Variants in CYB5R4 observed in about 807,000 individuals in gnomAD.
The protein encoded by CYB5R4 is cytochrome b5 reductase 4, also known as N-terminal cytochrome b5 and cytochrome b5 oxidoreductase domain-containing protein.
Under a neutral mutation model 70.2 loss-of-function variants are expected in CYB5R4, and 55 were observed. That is an observed-to-expected ratio of 0.78 (90% CI 0.63 to 0.98). CYB5R4 has a LOEUF of 0.98. Among genes scored for constraint, CYB5R4 ranks in the 50% least tolerant of loss-of-function variants. The pLI is 0.00. For synonymous variants in CYB5R4, 197 were observed against 199.5 expected, an observed-to-expected ratio of 0.99 and a Z score of 0.11; for missense variants, 562 against 612.6, an observed-to-expected ratio of 0.92 and a Z score of 0.87.
chr6:83,903,564 C>T (rs910271241), intron 3 of CYB5R4, among the ~76,000 whole-genome samples: 3 of 151,878 alleles, frequency 2.0e-5, no homozygotes, highest in Non-Finnish European at 4.4e-5. Context: ...GGGGCGAATT[C>T]CCTTCTCTTC....
chr6:83,886,949 G>C (rs1350676379), intron 2 of CYB5R4, among the ~76,000 whole-genome samples: 1 of 151,900 alleles, frequency 6.6e-6, no homozygotes, highest in South Asian at 2.1e-4. Context: ...TTTTGTTGTG[G>C]GTTTTTAAGT....
At chr6:83,880,061 C>T (rs1327154666) in intron 2 of CYB5R4, among the ~76,000 whole-genome samples, 1 of 152,130 alleles carries the variant, frequency 6.6e-6, no homozygotes, top group African/African-American at 2.4e-5. Flanking sequence ...AGGGTGAGAG[C>T]AGTGTTTTCT....
intron 3 of CYB5R4, among the ~76,000 whole-genome samples, chr6:83,908,088 C>A (rs1005205701): frequency 1.4e-5 from 2 of 144,138 alleles, no homozygotes; most frequent in African/African-American, 5.7e-5. Flanking sequence ...AATTTACAGT[C>A]TCACCAACAG....
At chr6:83,930,688 A>G (rs1390843074) in intron 10 of CYB5R4, among the ~76,000 whole-genome samples, 2 of 151,792 alleles carry the variant, frequency 1.3e-5, no homozygotes, top group Non-Finnish European at 2.9e-5. Flanking sequence ...TAATGTTGCT[A>G]TTTTGACTGC....
chr6:83,879,808 T>C (rs1562828865), intron 2 of CYB5R4, among the ~76,000 whole-genome samples: 1 of 152,212 alleles, frequency 6.6e-6, no homozygotes, highest in Non-Finnish European at 1.5e-5. Context: ...TCTGAGGTTC[T>C]CAGGGATTCC....
chr6:83,861,139 T>C (rs1213577080), intron 1 of CYB5R4, among the ~76,000 whole-genome samples: 1 of 152,236 alleles, frequency 6.6e-6, no homozygotes, highest in Non-Finnish European at 1.5e-5. Flanking sequence ...TTACTGCCCT[T>C]CTTCGTTAAA....
At position 83,922,489 on chromosome 6, in the gene CYB5R4, A is replaced by G; in HGVS notation, c.691+19A>G. Reference sequence around the variant, plus strand: ...TTTTCTGGTAAGCTACCAAAAACCAAAAATTATGTATGTACGTACATATAC... The same window carrying G: ...TTTTCTGGTAAGCTACCAAAAACCAGAAATTATGTATGTACGTACATATAC... On this transcript the variant is annotated intron_variant, in intron 9 of 15. Coordinates refer to ENST00000369681, the MANE Select transcript of CYB5R4 (RefSeq NM_016230.4). 1 of 1,602,784 alleles carries G rather than the reference A, an allele frequency of 6.2e-7. No individual in the cohort carries two copies.
chr6:83,951,065 G>GC (rs58754283), intron 14 of CYB5R4, among the ~76,000 whole-genome samples: 6,377 of 152,116 alleles, frequency 0.042, 456 homozygotes, highest in African/African-American at 0.15. Context: ...TCACAGGAGA[G>GC]CCCCCCTACA....
intron 3 of CYB5R4, among the ~76,000 whole-genome samples, chr6:83,905,352 T>G (rs1018909987): frequency 6.6e-6 from 1 of 151,064 alleles, no homozygotes; most frequent in Admixed American, 6.6e-5. Context: ...CCTTTTTCAG[T>G]TTTTTTTAAA....
At chr6:83,940,384 T>G in intron 13 of CYB5R4, 131 bp from the exon 14 acceptor site, 1 of 1,086,732 alleles carries the variant, frequency 9.2e-7, no homozygotes, top group South Asian at 1.8e-5. Context: ...TTATCTCATT[T>G]CAGTTTTTGA....
At chr6:83,876,842 CT>C (rs1324654651) in intron 2 of CYB5R4, among the ~76,000 whole-genome samples, 3 of 149,832 alleles carry the variant, frequency 2.0e-5, no homozygotes, top group African/African-American at 4.9e-5. Context: ...CTTCCTTTAA[CT>C]TTTTTTTTTC....
intron 3 of CYB5R4, among the ~76,000 whole-genome samples, chr6:83,902,535 TG>T (rs1363167456): frequency 6.6e-6 from 1 of 151,422 alleles, no homozygotes; most frequent in East Asian, 1.9e-4. Flanking sequence ...ATTTTAGGAT[TG>T]TTTTTTCTAT....
At chr6:83,900,113 A>G (rs1025967308) in intron 3 of CYB5R4, among the ~76,000 whole-genome samples, 2 of 152,134 alleles carry the variant, frequency 1.3e-5, no homozygotes, top group African/African-American at 2.4e-5. Context: ...TAGTGCTTTA[A>G]GTTTCCCTCT....
intron 6 of CYB5R4, 32 bp downstream of exon 6, chr6:83,918,097 A>G (rs1378830718): frequency 2.0e-6 from 3 of 1,513,114 alleles, no homozygotes; most frequent in Non-Finnish European, 2.7e-6. Context: ...TTTTAAAGTT[A>G]AATCAATTAT....
At chr6:83,955,818 C>A (rs1396090523) in intron 15 of CYB5R4, among the ~76,000 whole-genome samples, 1 of 152,054 alleles carries the variant, frequency 6.6e-6, no homozygotes, top group East Asian at 1.9e-4. Flanking sequence ...AAGGAATGTT[C>A]ATCTCATTGT....
At chr6:83,945,781 A>T (rs2099470500) in intron 14 of CYB5R4, among the ~76,000 whole-genome samples, 1 of 152,202 alleles carries the variant, frequency 6.6e-6, no homozygotes, top group South Asian at 2.1e-4. Flanking sequence ...CCATCAGATA[A>T]TACTATAAAC....
intron 14 of CYB5R4, among the ~76,000 whole-genome samples, chr6:83,945,851 A>C (rs757326379): frequency 6.6e-6 from 1 of 152,164 alleles, no homozygotes; most frequent in African/African-American, 2.4e-5. Flanking sequence ...GGACACATAC[A>C]CCCTCCCAAG....
intron 15 of CYB5R4, among the ~76,000 whole-genome samples, chr6:83,956,652 T>A (rs1171099740): frequency 1.3e-5 from 2 of 152,178 alleles, no homozygotes; most frequent in African/African-American, 2.4e-5. Flanking sequence ...TCTAGCTATG[T>A]TAATAGGATT....
Position 83,859,813 on chromosome 6 carries a change from G to A in CYB5R4, c.31G>A (p.Ala11Thr). The stretch of plus-strand genomic sequence containing the variant: ...GAACGTCCCTTCCCAGTCTTTCCCG[G>A]CCCCCAGGTCGCAGCAGCGTGTCGC... The part of the protein sequence containing the change: MLNVPSQSFP[A>T]PRSQQRVASG... The change falls in exon 1 of 16, where the codon GCC becomes ACC. Residue 11 changes from alanine (A) to threonine (T), a missense_variant. Transcript: ENST00000369681. 6.2e-7 allele frequency: 1 copy of A among 1,613,366 alleles called. No individual in the cohort carries two copies. Among genetic ancestry groups the A allele is most frequent in the Non-Finnish European group, 8.5e-7 (1 of 1,179,802 alleles).
Sources: gnomAD v4.1 joint callset for allele counts (sites outside exome capture counted in the v4.1 genomes callset) on GRCh38, gnomAD v4.1.1 for gene constraint, MANE v1.5 for transcripts, NCBI Gene and HGNC (gene_info 2026-07-23, HGNC 2026-07-21) for gene names.